FH: variants seen among roughly 807,000 people sequenced by gnomAD.
FH encodes fumarate hydratase, also known as fumarate hydratase, mitochondrial.
In FH, 22 loss-of-function variants were observed where a neutral mutation model predicts 49.4. That is an observed-to-expected ratio of 0.45 (90% CI 0.32 to 0.64). FH has a LOEUF of 0.64. Among genes scored for constraint, FH ranks in the 30% least tolerant of loss-of-function variants. The probability of loss-of-function intolerance (pLI) is 0.05; values close to 1 mark genes in which losing one functional copy is unlikely to be tolerated. For missense variants in FH, 526 were observed against 641.5 expected (o/e 0.82, Z 1.95); for synonymous variants, 208 against 223.0 (o/e 0.93, Z 0.60).
Position 241,500,479 on chromosome 1 carries a change from T to G in FH, c.1348A>C (p.Asn450His), listed in dbSNP as rs1659742832. The change falls in exon 9 of 10, where the codon AAT becomes CAT. Residue 450 changes from asparagine to histidine, a missense_variant. Coordinates refer to ENST00000366560, the MANE Select transcript of FH (RefSeq NM_000143.4). Reference sequence around the variant, plus strand: ...GCTGTCACCAACATTAGAGACTCATTCATCAGCTTGTTGATCCTTTCTGTA... The same window carrying G: ...GCTGTCACCAACATTAGAGACTCATGCATCAGCTTGTTGATCCTTTCTGTA... ...ANTERINKLM[N>H]ESLMLVTALN... 1 of 1,613,950 alleles carries G rather than the reference T, an allele frequency of 6.2e-7. No homozygotes were observed. The highest frequency in any genetic ancestry group is 8.5e-7 in the Non-Finnish European group (1 of 1,179,984).
chr1:241,505,131 G>A (rs1260346104), intron 6 of FH, among the ~76,000 whole-genome samples: 1 of 151,758 alleles, frequency 6.6e-6, no homozygotes, highest in African/African-American at 2.4e-5. Flanking sequence ...GGCTGGTCTC[G>A]AACTCCTGAC....
intron 9 of FH, 95 bp from the exon 10 acceptor site, chr1:241,498,065 T>C: frequency 8.6e-7 from 1 of 1,165,712 alleles, no homozygotes; most frequent in East Asian, 2.3e-5. Flanking sequence ...ATATTGATGC[T>C]ATATGGGCCT....
At chr1:241,517,601 T>C (rs762869022) in intron 1 of FH, among the ~76,000 whole-genome samples, 3 of 152,172 alleles carry the variant, frequency 2.0e-5, no homozygotes, top group Non-Finnish European at 2.9e-5. Flanking sequence ...CTTTTCCATT[T>C]CAAGAGTATG....
chr1:241,503,687 C>T (rs151219695), intron 7 of FH, among the ~76,000 whole-genome samples: 29 of 152,370 alleles, frequency 1.9e-4, no homozygotes, highest in African/African-American at 6.7e-4. Flanking sequence ...TCCAGACATA[C>T]ACTGTTGTGT....
At chr1:241,512,632 T>C (rs1660116790) in intron 3 of FH, among the ~76,000 whole-genome samples, 1 of 152,212 alleles carries the variant, frequency 6.6e-6, no homozygotes, top group African/African-American at 2.4e-5. Flanking sequence ...ATCCAGCTTA[T>C]GTGTTAGTTT....
intron 2 of FH, among the ~76,000 whole-genome samples, chr1:241,514,137 C>T (rs1660161561): frequency 6.6e-6 from 1 of 152,106 alleles, no homozygotes; most frequent in Non-Finnish European, 1.5e-5. Context: ...TCCCACGTTA[C>T]ATTATAATTG....
chr1:241,501,357 T>C (rs1257630437), intron 8 of FH, among the ~76,000 whole-genome samples: 4 of 152,200 alleles, frequency 2.6e-5, no homozygotes, highest in Non-Finnish European at 4.4e-5. Context: ...ATCTTTATTT[T>C]ACATTAAAAA....
intron 5 of FH, among the ~76,000 whole-genome samples, chr1:241,506,378 A>C (rs551179330): frequency 6.6e-6 from 1 of 152,358 alleles, no homozygotes; most frequent in South Asian, 2.1e-4. Flanking sequence ...CGACAATGCC[A>C]CTGATAACAT....
At chr1:241,508,506 A>C in intron 5 of FH, 97 bp downstream of exon 5, 2 of 967,850 alleles carry the variant, frequency 2.1e-6, no homozygotes, top group Non-Finnish European at 3.4e-6. Flanking sequence ...GTTTCCGGTT[A>C]CAAATTTGGC....
chr1:241,516,506 G>A (rs2147924666), intron 2 of FH, among the ~76,000 whole-genome samples: 1 of 152,276 alleles, frequency 6.6e-6, no homozygotes, highest in South Asian at 2.1e-4. Context: ...GGGCCTGTGG[G>A]CGGAGGGGGA....
Position 241,500,554 on chromosome 1 carries a change from C to T in FH, c.1273G>A (p.Asp425Asn), listed in dbSNP as rs1228511377. The change falls in exon 9 of 10, where the codon GAT (aspartate) becomes AAT (asparagine). Residue 425 changes from aspartate (D) to asparagine (N), a missense_variant. Around this residue, in one of 2 missense-constraint regions of FH, gnomAD observed 383 missense variants for 514.0 expected, o/e 0.75. Coordinates refer to ENST00000366560, the MANE Select transcript of FH (RefSeq NM_000143.4). The stretch of plus-strand genomic sequence containing the variant: ...TTTTCTGTAAAGGAAACTGAAGCAT[C>T]CCCCAGCAGCCTGGCTGAGTGTAAC... Reference protein sequence around the residue: ...NVLHSARLLGDASVSFTENCV... With the variant: ...NVLHSARLLGNASVSFTENCV... 2 of 1,611,794 alleles carry T rather than the reference C, an allele frequency of 1.2e-6. No individual in the cohort carries two copies. The highest frequency in any genetic ancestry group is 2.2e-5 in the East Asian group (1 of 44,808).
chr1:241,505,374 C>A (rs1370115442), intron 6 of FH, among the ~76,000 whole-genome samples: 1 of 152,124 alleles, frequency 6.6e-6, no homozygotes, highest in Non-Finnish European at 1.5e-5. Context: ...ATTTGCCAAA[C>A]CCTAAAAGTA....
At chr1:241,509,458 A>G (rs1558399708) in intron 4 of FH, among the ~76,000 whole-genome samples, 1 of 152,122 alleles carries the variant, frequency 6.6e-6, no homozygotes, top group Non-Finnish European at 1.5e-5. Context: ...TCTTTCCTCA[A>G]CTGTTGACCC....
At chr1:241,499,537 G>A (rs1035832746) in intron 9 of FH, among the ~76,000 whole-genome samples, 6 of 152,150 alleles carry the variant, frequency 3.9e-5, no homozygotes, top group African/African-American at 1.2e-4. Flanking sequence ...CTACCTAAAA[G>A]AGTCAAATGA....
chr1:241,500,765 G>A (rs1198416414), intron 8 of FH, among the ~76,000 whole-genome samples, 175 bp from the exon 9 acceptor site: 3 of 152,094 alleles, frequency 2.0e-5, no homozygotes, highest in Non-Finnish European at 4.4e-5. Context: ...GGAAACAAAT[G>A]TGAAAGAAAG....
rs942065027 is a variant in FH, at chr1:241,519,619, G to A, written c.104C>T (p.Ser35Leu). The A allele has an allele frequency of 1.3e-6, 2 of 1,547,808 alleles. No individual in the cohort carries two copies. The highest frequency in any genetic ancestry group is 8.7e-7 in the Non-Finnish European group (1 of 1,146,452). The change falls in exon 1 of 10, where the codon TCG becomes TTG. Residue 35 changes from serine to leucine, a missense_variant. Coordinates refer to ENST00000366560, the MANE Select transcript of FH (RefSeq NM_000143.4). ...APGLGGAAVP[S>L]FWPPNAARMA... ...TCGAGCCGCGTTCGGAGGCCAAAAC[G>A]AGGGCACGGCCGCGCCACCCAAGCC...
At chr1:241,509,545 A>T (rs1012187026) in intron 4 of FH, among the ~76,000 whole-genome samples, 2 of 152,210 alleles carry the variant, frequency 1.3e-5, no homozygotes, top group African/African-American at 4.8e-5. Context: ...AGGCTGAGGC[A>T]GGAGGATCAA....
chr1:241,516,378 G>T (rs1389190922), intron 2 of FH, among the ~76,000 whole-genome samples: 1 of 152,198 alleles, frequency 6.6e-6, no homozygotes, highest in Non-Finnish European at 1.5e-5. Context: ...GGAGCTAGAA[G>T]CTGTGACCCT....
At chr1:241,511,485 T>C (rs1416252107) in intron 4 of FH, among the ~76,000 whole-genome samples, 1 of 151,996 alleles carries the variant, frequency 6.6e-6, no homozygotes, top group Non-Finnish European at 1.5e-5. Flanking sequence ...TGACTAAATG[T>C]AATGTATAGC....
Sources: gnomAD v4.1 joint callset for allele counts (sites outside exome capture counted in the v4.1 genomes callset) on GRCh38, gnomAD v4.1.1 for gene constraint, gnomAD v4.1.1 regional missense constraint, MANE v1.5 for transcripts, NCBI Gene and HGNC (gene_info 2026-07-23, HGNC 2026-07-21) for gene names.